Variants in ADGRF1 observed in about 807,000 individuals in gnomAD.
ADGRF1 encodes adhesion G protein-coupled receptor F1.
In ADGRF1, 85 loss-of-function variants were observed where a neutral mutation model predicts 87.2. That is an observed-to-expected ratio of 0.97 (90% CI 0.82 to 1.17). ADGRF1 has a LOEUF of 1.17. Ranked by LOEUF, ADGRF1 falls within the 50% of genes most tolerant of loss-of-function variation. The pLI is 0.00. For missense variants in ADGRF1, 1,169 were observed against 1,077.2 expected, an observed-to-expected ratio of 1.09 and a Z score of -1.19; for synonymous variants, 430 against 408.8, an observed-to-expected ratio of 1.05 and a Z score of -0.63.
At chr6:47,037,884 G>A (rs1024262428) in intron 1 of ADGRF1, among the ~76,000 whole-genome samples, 35 of 151,752 alleles carry the variant, frequency 2.3e-4, no homozygotes, top group African/African-American at 6.5e-4. Context: ...GTTTTGAGAC[G>A]GAGTCACGCC....
chr6:47,016,681 C>A lies in ADGRF1; in HGVS notation c.699G>T (p.Lys233Asn), dbSNP rs991983935. Reference protein sequence around the residue: ...LLSAIEHVAEKAKTALHKLFP... With the variant: ...LLSAIEHVAENAKTALHKLFP... ...ACAGCTTGTGAAGGGCTGTCTTAGC[C>A]TTCTCGGCAACATGTTCAATGGCTG... The change falls in exon 8 of 15, where the codon AAG (lysine) becomes AAT (asparagine). Residue 233 changes from lysine to asparagine, a missense_variant. Physicochemically the swap from Lys to Asn is moderately conservative, Grantham distance 94. Transcript: ENST00000371253. The A allele has an allele frequency of 1.7e-5, 27 of 1,612,396 alleles. No homozygotes were observed. Among genetic ancestry groups the A allele is most frequent in the Non-Finnish European group, 2.3e-5 (27 of 1,178,712 alleles).
intron 4 of ADGRF1, 132 bp from the exon 5 acceptor site, chr6:47,024,349 T>G: frequency 4.3e-6 from 3 of 699,968 alleles, no homozygotes; most frequent in Non-Finnish European, 7.0e-6. Flanking sequence ...TTGTTTTGTT[T>G]TGTTGCCTAG....
At position 47,000,002 on chromosome 6, in the gene ADGRF1, A is replaced by G. The variant is rs1424870560; in HGVS notation, c.*220T>C. ...AAAACCTACTCTTCTGCATTTATGG[A>G]GCACTTTCTTTGAATCAAATCACAT... is the stretch of plus-strand genomic sequence containing the variant. On this transcript the variant is annotated 3_prime_UTR_variant, in exon 15 of 15. Transcript: ENST00000371253. 1 of 466,056 alleles carries G rather than the reference A, an allele frequency of 2.1e-6. No individual in the cohort carries two copies. Among genetic ancestry groups the G allele is most frequent in the African/African-American group, 1.9e-5 (1 of 51,380 alleles). 28.9% of individuals were successfully genotyped at this position (466,056 alleles called of 1,614,324 possible). A position where few individuals can be genotyped will look rare whatever the true frequency, so the allele number is the denominator to read the frequency against.
At chr6:47,035,728 A>G (rs1286641219) in intron 1 of ADGRF1, among the ~76,000 whole-genome samples, 1 of 152,170 alleles carries the variant, frequency 6.6e-6, no homozygotes, top group Non-Finnish European at 1.5e-5. Context: ...TGTTAATTTG[A>G]TCTCCACCTG....
intron 3 of ADGRF1, among the ~76,000 whole-genome samples, chr6:47,026,639 C>T (rs1453353792): frequency 2.0e-5 from 3 of 152,096 alleles, no homozygotes; most frequent in Admixed American, 6.5e-5. Context: ...GGAGAGGAAT[C>T]CTATGAGTCT....
chr6:47,008,927 T>A lies in ADGRF1; in HGVS notation c.2490+18A>T, dbSNP rs763412201. 3 of 1,559,054 alleles carry A rather than the reference T, an allele frequency of 1.9e-6. No homozygotes were observed. The highest frequency in any genetic ancestry group is 2.6e-6 in the Non-Finnish European group (3 of 1,149,592). ...CCAATCACTTGACAATACAATAGGT[T>A]ATTGTTACTGTTCTCACCTGGAATG... On this transcript the variant is annotated intron_variant, in intron 11 of 14. Transcript: ENST00000371253.
intron 13 of ADGRF1, among the ~76,000 whole-genome samples, chr6:47,004,825 G>C (rs1437272461): frequency 6.6e-6 from 1 of 152,156 alleles, no homozygotes; most frequent in Non-Finnish European, 1.5e-5. Flanking sequence ...ACTTAGAGAC[G>C]AAGTGACTTT....
rs886501432 is a variant in ADGRF1, at chr6:46,999,290, C to A, written c.*932G>T. 6.6e-6 allele frequency: 1 copy of A among 152,154 alleles called. No homozygotes were observed. The highest frequency in any genetic ancestry group is 1.5e-5 in the Non-Finnish European group (1 of 68,028). 9.4% of individuals were successfully genotyped at this position (152,154 alleles called of 1,614,324 possible). On this transcript the variant is annotated 3_prime_UTR_variant, in exon 15 of 15. Coordinates refer to ENST00000371253, the MANE Select transcript of ADGRF1 (RefSeq NM_153840.4). Reference sequence around the variant, plus strand: ...AGGTACCTCCCTGGAAGCTGACAACCAAATTCTCCCTTAATTTCTCTCTTA... The same window carrying A: ...AGGTACCTCCCTGGAAGCTGACAACAAAATTCTCCCTTAATTTCTCTCTTA...
intron 7 of ADGRF1, chr6:47,019,936 T>G: frequency 2.9e-5 from 29 of 985,670 alleles, no homozygotes; most frequent in Non-Finnish European, 3.5e-5. Context: ...TACTGGGTTT[T>G]GAACTATGAT....
chr6:47,014,863 A>G lies in ADGRF1; in HGVS notation c.764-19T>C. Reference sequence around the variant, plus strand: ...CACTGGGCTGGAAACAAAAGAAAACAACAAAGAAAAATGATCCTAGAATAT... The same window carrying G: ...CACTGGGCTGGAAACAAAAGAAAACGACAAAGAAAAATGATCCTAGAATAT... On this transcript the variant is annotated intron_variant, in intron 8 of 14. Coordinates refer to ENST00000371253, the MANE Select transcript of ADGRF1 (RefSeq NM_153840.4). The G allele has an allele frequency of 6.3e-7, 1 of 1,579,120 alleles. No homozygotes were observed. The highest frequency in any genetic ancestry group is 1.2e-5 in the South Asian group (1 of 86,770).
intron 1 of ADGRF1, among the ~76,000 whole-genome samples, chr6:47,033,975 T>C (rs1780511544): frequency 6.6e-6 from 1 of 152,232 alleles, no homozygotes. Context: ...TCATTTAAAA[T>C]CTCAGGGAAG....
chr6:47,016,756 G>T lies in ADGRF1; in HGVS notation c.624C>A (p.Ile208=), dbSNP rs368426693. The change falls in exon 8 of 15, where the codon ATC becomes ATA. Residue 208 remains isoleucine, a synonymous_variant. Coordinates refer to ENST00000371253, the MANE Select transcript of ADGRF1 (RefSeq NM_153840.4). ...VQVTQFRNGS[I]VAGYEVVGSS... is the part of the protein sequence containing the mutation. The stretch of plus-strand genomic sequence containing the variant: ...AGCCAACAACTTCATACCCAGCAAC[G>T]ATGCTTCCATTTCTGCAGTGATTAT... 34 of 1,586,346 alleles carry T rather than the reference G, an allele frequency of 2.1e-5. No individual in the cohort carries two copies. Among genetic ancestry groups the T allele is most frequent in the Non-Finnish European group, 2.8e-5 (33 of 1,161,718 alleles).
chr6:47,035,989 G>A (rs955371299), intron 1 of ADGRF1, among the ~76,000 whole-genome samples: 1 of 152,166 alleles, frequency 6.6e-6, no homozygotes, highest in South Asian at 2.1e-4. Flanking sequence ...CCAGCAATTT[G>A]GGAAGCGGAG....
chr6:47,020,958 A>G (rs1397190502), intron 6 of ADGRF1, among the ~76,000 whole-genome samples, 169 bp from the exon 7 acceptor site: 1 of 152,256 alleles, frequency 6.6e-6, no homozygotes, highest in Admixed American at 6.5e-5. Context: ...TTAAAATAAC[A>G]GTTGTGAATG....
chr6:47,037,908 T>C (rs927945562), intron 1 of ADGRF1, among the ~76,000 whole-genome samples: 1 of 152,226 alleles, frequency 6.6e-6, no homozygotes, highest in Non-Finnish European at 1.5e-5. Context: ...TCACCCAGGC[T>C]GGAGTGCAGT....
chr6:47,026,241 C>T (rs968378016), intron 3 of ADGRF1, among the ~76,000 whole-genome samples: 1 of 152,106 alleles, frequency 6.6e-6, no homozygotes, highest in Non-Finnish European at 1.5e-5. Context: ...GCCAGCTGCC[C>T]CAGTGCTGTC....
intron 14 of ADGRF1, 29 bp from the exon 15 acceptor site, chr6:47,000,324 A>G (rs1779326423): frequency 6.6e-7 from 1 of 1,511,828 alleles, no homozygotes; most frequent in Non-Finnish European, 9.1e-7. Context: ...GGAAATAATT[A>G]TTGTTACTCT....
rs139242426 is a variant in ADGRF1 at position 47,018,293 on chromosome 6, AG to A, written c.612-1526del. On this transcript the variant is annotated intron_variant, in intron 7 of 14. Transcript: ENST00000371253. ...TAAGTCAATCCTGCAATAACTCATG[AG>A]ATAAGCAGTGTATCATTCCCATTTT... The A allele has an allele frequency of 4.7e-4, 405 of 857,692 alleles. No individual in the cohort carries two copies. The African/African-American group carries it at 6.7e-3, about 14-fold the overall frequency. The allele number at this position is 857,692 out of a possible 1,614,324, so 53.1% of individuals were successfully genotyped here. A position where few individuals can be genotyped will look rare whatever the true frequency, so the allele number is the denominator to read the frequency against.
Position 47,014,796 on chromosome 6 carries a change from T to C in ADGRF1, c.812A>G (p.Tyr271Cys), listed in dbSNP as rs750857786. ...GTAGCCACTGCTGCAGGGCAGGGTA[T>C]ATTCATCATCCTTGGACCCAAATCC... The part of the protein sequence containing the change: ...VFGFGSKDDE[Y>C]TLPCSSGYRG... Residue 271 changes from tyrosine to cysteine, a missense_variant, in exon 9 of 15, where the codon TAT becomes TGT. Coordinates refer to ENST00000371253, the MANE Select transcript of ADGRF1 (RefSeq NM_153840.4). The C allele has an allele frequency of 6.2e-7, 1 of 1,613,928 alleles. No homozygotes were observed. Among genetic ancestry groups the C allele is most frequent in the Non-Finnish European group, 8.5e-7 (1 of 1,179,868 alleles).
Sources: gnomAD v4.1 joint callset for allele counts (sites outside exome capture counted in the v4.1 genomes callset) on GRCh38, gnomAD v4.1.1 for gene constraint, MANE v1.5 for transcripts, NCBI Gene and HGNC (gene_info 2026-07-23, HGNC 2026-07-21) for gene names.